ALDH2: variants seen among roughly 807,000 people sequenced by gnomAD.
ALDH2 encodes the protein aldehyde dehydrogenase 2 family member, also known as aldehyde dehydrogenase, mitochondrial.
In ALDH2, 44 loss-of-function variants were observed where a neutral mutation model predicts 59.6. The ratio of observed to expected loss-of-function variants is 0.74; its 90% confidence interval spans 0.58 to 0.95. ALDH2 has a LOEUF of 0.95. ALDH2 is among the 40% of genes least tolerant of loss of function. The probability of loss-of-function intolerance (pLI) is 0.00; values close to 1 mark genes in which losing one functional copy is unlikely to be tolerated. For missense variants in ALDH2, 570 were observed against 696.3 expected, an observed-to-expected ratio of 0.82 and a Z score of 2.04; for synonymous variants, 291 against 284.0, an observed-to-expected ratio of 1.02 and a Z score of -0.25.
At chr12:111,789,420 G>A (rs2068338084) in intron 4 of ALDH2, among the ~76,000 whole-genome samples, 1 of 150,956 alleles carries the variant, frequency 6.6e-6, no homozygotes, top group African/African-American at 2.4e-5. Context: ...TGAACCTGGG[G>A]GGCCGAGGTT....
intron 4 of ALDH2, among the ~76,000 whole-genome samples, chr12:111,789,024 T>TTC: frequency 6.8e-6 from 1 of 147,362 alleles, no homozygotes; most frequent in East Asian, 2.0e-4. Flanking sequence ...TTTCTTTTTT[T>TTC]TTTTTTTTTT....
intron 1 of ALDH2, among the ~76,000 whole-genome samples, chr12:111,777,075 G>A (rs1448694993): frequency 6.6e-6 from 1 of 152,188 alleles, no homozygotes; most frequent in African/African-American, 2.4e-5. Flanking sequence ...CCTCCTTGAA[G>A]GCAGACCTGG....
chr12:111,768,867 C>T (rs914672264), intron 1 of ALDH2, among the ~76,000 whole-genome samples: 37 of 152,146 alleles, frequency 2.4e-4, no homozygotes, highest in African/African-American at 8.2e-4. Context: ...GCCTGTAGTC[C>T]CAGCTATATG....
intron 3 of ALDH2, among the ~76,000 whole-genome samples, chr12:111,784,313 CA>C (rs554304287): frequency 3.0e-3 from 447 of 148,892 alleles, no homozygotes; most frequent in South Asian, 7.6e-3. Context: ...GATCCTGTCT[CA>C]AAAAAAAAAT....
rs911169769 is a variant in ALDH2, at chr12:111,787,912, G to A, written c.441-1911G>A. Among the ~76,000 whole-genome samples, 11 of 152,092 alleles carry A rather than the reference G, an allele frequency of 7.2e-5. No individual in the cohort carries two copies. In the East Asian group the frequency reaches 1.2e-3, roughly 16 times the overall value. On this transcript the variant is annotated intron_variant, in intron 4 of 12. Coordinates refer to ENST00000261733, the MANE Select transcript of ALDH2 (RefSeq NM_000690.4). ...AAATTAGCTGGGCTTGGTGGCAGGC[G>A]CCTATAGTCCCAGCTACTCAGGAGG...
At position 111,796,632 on chromosome 12, in the gene ALDH2, G is replaced by T. The variant is rs904065826; in HGVS notation, c.1084-1446G>T. On this transcript the variant is annotated intron_variant, in intron 9 of 12. Transcript: ENST00000261733. The stretch of plus-strand genomic sequence containing the variant: ...TTTTTTAAAAAATAGGCTGGGTGTG[G>T]TGGCTAACCCCTGTAGTCCTAACAC... 3.3e-5 allele frequency among the ~76,000 whole-genome samples: 5 copies of T among 152,136 alleles called. No homozygotes were observed. In the East Asian group the frequency reaches 9.6e-4, roughly 29 times the overall value.
At position 111,774,833 on chromosome 12, in the gene ALDH2, C is replaced by T. The variant is rs189388331; in HGVS notation, c.115-7085C>T. On this transcript the variant is annotated intron_variant, in intron 1 of 12. Transcript: ENST00000261733. ...TGCCCCAGCTCCTGAGCCCCTCGAC[C>T]ACCACAATCACCACTAAGTCTCTGC... Among the ~76,000 whole-genome samples the T allele has an allele frequency of 1.9e-3, 296 of 152,258 alleles. 2 individuals carry two copies. Among genetic ancestry groups the T allele is most frequent in the African/African-American group, 6.7e-3 (278 of 41,554 alleles).
At chr12:111,788,788 G>T (rs535319998) in intron 4 of ALDH2, among the ~76,000 whole-genome samples, 1 of 152,056 alleles carries the variant, frequency 6.6e-6, no homozygotes, top group Non-Finnish European at 1.5e-5. Context: ...GATCACTTGA[G>T]CTCAGGAGTT....
At chr12:111,796,979 T>C (rs1339186337) in intron 9 of ALDH2, among the ~76,000 whole-genome samples, 4 of 151,988 alleles carry the variant, frequency 2.6e-5, no homozygotes, top group African/African-American at 7.2e-5. Flanking sequence ...TTTTTTTTTT[T>C]TTGAGACGAA....
At chr12:111,804,230 T>C (rs1222819164) in intron 12 of ALDH2, among the ~76,000 whole-genome samples, 2 of 152,092 alleles carry the variant, frequency 1.3e-5, no homozygotes, top group African/African-American at 4.8e-5. Context: ...TCCTACTAAT[T>C]TCCCATTTTA....
intron 4 of ALDH2, among the ~76,000 whole-genome samples, chr12:111,787,295 C>CA (rs2068317680): frequency 6.6e-6 from 1 of 152,184 alleles, no homozygotes; most frequent in Non-Finnish European, 1.5e-5. Flanking sequence ...CATTGAGTCT[C>CA]ACTCACCTCC....
intron 1 of ALDH2, among the ~76,000 whole-genome samples, chr12:111,776,118 G>C (rs964491407): frequency 6.6e-6 from 1 of 152,200 alleles, no homozygotes; most frequent in Non-Finnish European, 1.5e-5. Context: ...CCAGCCCAGC[G>C]AGGAAGGGGT....
intron 11 of ALDH2, among the ~76,000 whole-genome samples, chr12:111,802,977 A>G (rs2068466461): frequency 6.6e-6 from 1 of 151,742 alleles, no homozygotes. Context: ...CATATCACGA[A>G]GTCAAGAGTT....
intron 6 of ALDH2, 141 bp downstream of exon 6, chr12:111,790,703 C>A: frequency 8.9e-7 from 1 of 1,122,922 alleles, no homozygotes; most frequent in Non-Finnish European, 1.3e-6. Flanking sequence ...CAGAGTGGCT[C>A]CCTCTTAGCT....
chr12:111,804,484 A>G (rs1003355518), intron 12 of ALDH2, among the ~76,000 whole-genome samples: 1 of 152,156 alleles, frequency 6.6e-6, no homozygotes, highest in African/African-American at 2.4e-5. Context: ...GGTGGCTCAC[A>G]CCTGTAATCC....
intron 8 of ALDH2, 25 bp downstream of exon 8, chr12:111,792,188 T>C (rs757715270): frequency 6.4e-7 from 1 of 1,558,936 alleles, no homozygotes; most frequent in Non-Finnish European, 8.7e-7. Context: ...GGAGAAGGCC[T>C]GGCCTTGAAG....
At chr12:111,774,968 GA>G (rs1225017177) in intron 1 of ALDH2, among the ~76,000 whole-genome samples, 2 of 152,212 alleles carry the variant, frequency 1.3e-5, no homozygotes, top group Admixed American at 1.3e-4. Context: ...AAACGCATGT[GA>G]AAGGGTTCGC....
chr12:111,782,442 G>A (rs181504460), intron 2 of ALDH2, among the ~76,000 whole-genome samples: 3 of 152,088 alleles, frequency 2.0e-5, no homozygotes, highest in Admixed American at 6.5e-5. Context: ...GTTTTTGGCC[G>A]GGCGCAGTGG....
Position 111,798,121 on chromosome 12 carries a change from C to G in ALDH2, c.1127C>G (p.Thr376Arg). 1 of 1,614,032 alleles carries G rather than the reference C, an allele frequency of 6.2e-7. No individual in the cohort carries two copies. Among genetic ancestry groups the G allele is most frequent in the Non-Finnish European group, 8.5e-7 (1 of 1,179,964 alleles). ...QFKKILGYIN[T>R]GKQEGAKLLC... ...AAGAAGATCCTCGGCTACATCAACA[C>G]GGGGAAGCAAGAGGGGGCGAAGCTG... Residue 376 changes from threonine to arginine, a missense_variant, in exon 10 of 13, where the codon ACG becomes AGG. Physicochemically the swap from Thr to Arg is moderately conservative, Grantham distance 71 (BLOSUM62 -1). Coordinates refer to ENST00000261733, the MANE Select transcript of ALDH2 (RefSeq NM_000690.4).
Sources: gnomAD v4.1 joint callset for allele counts (sites outside exome capture counted in the v4.1 genomes callset) on GRCh38, gnomAD v4.1.1 for gene constraint, MANE v1.5 for transcripts, NCBI Gene and HGNC (gene_info 2026-07-23, HGNC 2026-07-21) for gene names.